FRMD1: variants seen among roughly 807,000 people sequenced by gnomAD.
FRMD1 encodes FERM domain-containing protein 1.
A neutral mutation model predicts 54.9 loss-of-function variants in FRMD1; 51 were observed. The ratio of observed to expected loss-of-function variants is 0.93; its 90% CI spans 0.74 to 1.17. The LOEUF (loss-of-function observed/expected upper bound fraction) is 1.17. FRMD1 is among the 50% of genes most tolerant of loss of function. The pLI, the probability that FRMD1 is intolerant of heterozygous loss-of-function variation, is 0.00. For missense variants in FRMD1, 729 were observed against 743.0 expected (o/e 0.98, Z 0.22); for synonymous variants, 324 against 306.4 (o/e 1.06, Z -0.60).
In FRMD1 at chr6:168,075,740, T is replaced by C. The variant is rs774960291; in HGVS notation, c.214-405A>G. 8.4e-6 allele frequency: 13 copies of C among 1,548,214 alleles called. No individual in the cohort carries two copies. The South Asian group carries it at 1.3e-4, about 16-fold the overall frequency. Reference sequence around the variant, plus strand: ...TGAGCGCGAGCATCGGTGTCTCACATCATCCATCGCCCAACTGATGCGAGT... The same window carrying C: ...TGAGCGCGAGCATCGGTGTCTCACACCATCCATCGCCCAACTGATGCGAGT... On this transcript the variant is annotated intron_variant, in intron 1 of 10. Coordinates refer to ENST00000283309, the MANE Select transcript of FRMD1 (RefSeq NM_024919.6).
rs573507597 is a variant in FRMD1 at position 168,059,881 on chromosome 6, T to A, written c.1343-693A>T. On this transcript the variant is annotated intron_variant, in intron 9 of 10. Coordinates refer to ENST00000283309, the MANE Select transcript of FRMD1 (RefSeq NM_024919.6). The surrounding 1 kb of genome is among the most constrained non-coding windows in gnomAD (Gnocchi z 4.4). Reference sequence around the variant, plus strand: ...CTGCGTCCTGGGCCAGGTGGACACATGGTCCTAGAACACTCTGAATGGCTC... The same window carrying A: ...CTGCGTCCTGGGCCAGGTGGACACAAGGTCCTAGAACACTCTGAATGGCTC... 1.3e-5 allele frequency among the ~76,000 whole-genome samples: 2 copies of A among 152,086 alleles called. No individual in the cohort carries two copies. The highest frequency in any genetic ancestry group is 3.9e-4 in the East Asian group (2 of 5,152).
upstream of FRMD1, chr6:168,081,729 C>A: frequency 2.2e-6 from 1 of 458,264 alleles, no homozygotes; most frequent in Non-Finnish European, 3.8e-6. Flanking sequence ...TGCAAAAGGC[C>A]GGGCTCCATT....
chr6:168,063,514 G>A (rs2114970870), intron 6 of FRMD1, 87 bp downstream of exon 6: 3 of 1,409,742 alleles, frequency 2.1e-6, no homozygotes, highest in Non-Finnish European at 2.8e-6. Flanking sequence ...CTGCCCTGGG[G>A]TCCTGATCCC....
chr6:168,061,546 A>G (rs931106347), intron 8 of FRMD1, among the ~76,000 whole-genome samples: 1 of 152,274 alleles, frequency 6.6e-6, no homozygotes, highest in African/African-American at 2.4e-5. Context: ...AGTGGAAAAC[A>G]GACCAGGAAA....
rs1799622439 is a variant in FRMD1, at chr6:168,059,828, G to T, written c.1343-640C>A. On this transcript the variant is annotated intron_variant, in intron 9 of 10. Coordinates refer to ENST00000283309, the MANE Select transcript of FRMD1 (RefSeq NM_024919.6). The surrounding 1 kb of genome is among the most constrained non-coding windows in gnomAD (Gnocchi z 4.4). ...CACACAGTCCTACACACAGGGAATG[G>T]GCAGGGTGCATCCCTCAGGACAAGG... Among the ~76,000 whole-genome samples the T allele has an allele frequency of 6.6e-6, 1 of 152,086 alleles. No individual in the cohort carries two copies. The highest frequency in any genetic ancestry group is 1.5e-5 in the Non-Finnish European group (1 of 68,000).
upstream of FRMD1, among the ~76,000 whole-genome samples, chr6:168,082,663 G>A (rs551763851): frequency 7.2e-5 from 11 of 152,148 alleles, no homozygotes; most frequent in Non-Finnish European, 1.3e-4. Context: ...CAGGATTCCC[G>A]AGACCCACCG....
In FRMD1 at chr6:168,066,833, T is replaced by A; in HGVS notation, c.385-2A>T. 6.2e-7 allele frequency: 1 copy of A among 1,611,642 alleles called. No homozygotes were observed. The highest frequency in any genetic ancestry group is 8.5e-7 in the Non-Finnish European group (1 of 1,179,478). On this transcript the variant is annotated splice_acceptor_variant, in intron 3 of 10. Coordinates refer to ENST00000283309, the MANE Select transcript of FRMD1 (RefSeq NM_024919.6). LOFTEE classifies it high-confidence loss of function. ...GGGGGCTCTGGGTTTCTCATTTCCC[T>A]AGTGGGGAAAATGCAAGAAAGAGCA... is the stretch of plus-strand genomic sequence containing the variant.
chr6:168,067,627 T>A (rs1800110984), intron 2 of FRMD1, 181 bp from the exon 3 acceptor site: 8 of 547,652 alleles, frequency 1.5e-5, no homozygotes, highest in Non-Finnish European at 2.6e-5. Context: ...TTAACACACA[T>A]GCAGGTGTCA....
chr6:168,071,738 G>A (rs190763475), intron 2 of FRMD1, among the ~76,000 whole-genome samples: 222 of 152,366 alleles, frequency 1.5e-3, no homozygotes, highest in African/African-American at 5.0e-3. Flanking sequence ...CCTCCGCAGG[G>A]TAAAGACAAG....
At chr6:168,067,645 G>T in intron 2 of FRMD1, 199 bp from the exon 3 acceptor site, 1 of 522,342 alleles carries the variant, frequency 1.9e-6, no homozygotes, top group African/African-American at 1.9e-5. Flanking sequence ...TCAAATGCTT[G>T]CTTACTAAAA....
rs764494771 is a variant in FRMD1 at position 168,075,352 on chromosome 6, G to A, written c.214-17C>T. On this transcript the variant is annotated splice_polypyrimidine_tract_variant and intron_variant, in intron 1 of 10. Transcript: ENST00000283309. ...AGCCTTCACCTGCAAAAGAGGTGGG[G>A]AGGGGTTCAGGGAGGGGCCGGCACC... 9 of 1,607,786 alleles carry A rather than the reference G, an allele frequency of 5.6e-6. No homozygotes were observed. The highest frequency in any genetic ancestry group is 7.6e-6 in the Non-Finnish European group (9 of 1,177,094).
intron 1 of FRMD1, chr6:168,075,706 G>T: frequency 6.7e-7 from 1 of 1,484,558 alleles, no homozygotes; most frequent in African/African-American, 1.4e-5. Context: ...ATGAATGCTT[G>T]GTTCCCCATG....
chr6:168,065,228 C>T (rs1370588594), intron 4 of FRMD1, 171 bp from the exon 5 acceptor site: 8 of 1,387,138 alleles, frequency 5.8e-6, no homozygotes, highest in Admixed American at 3.1e-5. Context: ...CAGCACGGCA[C>T]AGGCCCACAC....
chr6:168,057,142 G>A lies in FRMD1; in HGVS notation c.1605C>T (p.Ala535=), dbSNP rs771145147. ...GTGGAGCCTCTCCGAACAGGTCCAG[G>A]GCGAGACAGTTGCTGGACCTCTTGC... ...LPSKRSSNCL[A]LDLFGEAPPQ... Residue 535 remains alanine (A), a synonymous_variant, in exon 11 of 11, where the codon GCC becomes GCT. Transcript: ENST00000283309. The A allele has an allele frequency of 1.3e-6, 2 of 1,548,544 alleles. No individual in the cohort carries two copies. Among genetic ancestry groups the A allele is most frequent in the Non-Finnish European group, 1.7e-6 (2 of 1,145,998 alleles).
chr6:168,082,017 C>G (rs1800840581), upstream of FRMD1, among the ~76,000 whole-genome samples: 1 of 152,238 alleles, frequency 6.6e-6, no homozygotes, highest in Admixed American at 6.5e-5. Flanking sequence ...ATAGGTCAAC[C>G]CATTCCACCA....
rs147207666 is a variant in FRMD1, at chr6:168,057,218, G to T, written c.1529C>A (p.Ala510Asp). 6 of 1,608,932 alleles carry T rather than the reference G, an allele frequency of 3.7e-6. No individual in the cohort carries two copies. The African/African-American group carries it at 8.0e-5, about 21-fold the overall frequency. ...GGGGCCTGCCAGCCTGCAGTCCAGGGCGCGGTGGAAGGTATGGCTGAGTGA... is the reference window on the plus strand; with the variant it reads ...GGGGCCTGCCAGCCTGCAGTCCAGGTCGCGGTGGAAGGTATGGCTGAGTGA... Reference protein sequence around the residue: ...PTSLSHTFHRALDCRLAGPCE... With the variant: ...PTSLSHTFHRDLDCRLAGPCE... Residue 510 changes from alanine (A) to aspartate (D), a missense_variant, in exon 11 of 11, where the codon GCC becomes GAC. Physicochemically the swap from Ala to Asp is moderately radical, Grantham distance 126 (BLOSUM62 -2). Coordinates refer to ENST00000283309, the MANE Select transcript of FRMD1 (RefSeq NM_024919.6).
upstream of FRMD1, among the ~76,000 whole-genome samples, chr6:168,082,191 C>T (rs1481453537): frequency 6.6e-6 from 1 of 152,232 alleles, no homozygotes; most frequent in African/African-American, 2.4e-5. Flanking sequence ...ATCAGCAACA[C>T]CGACTGATCC....
chr6:168,078,814 G>T (rs943789320), intron 1 of FRMD1, 68 bp downstream of exon 1: 1 of 686,292 alleles, frequency 1.5e-6, no homozygotes, highest in African/African-American at 4.3e-5. Context: ...TCACCCCCAC[G>T]GCCACCCGGA....
chr6:168,066,434 G>T (rs1192608760), intron 4 of FRMD1: 1 of 614,184 alleles, frequency 1.6e-6, no homozygotes, highest in African/African-American at 2.0e-5. Flanking sequence ...GGAGGTGGAG[G>T]TTGCAGTGAG....
Sources: gnomAD v4.1 joint callset for allele counts (sites outside exome capture counted in the v4.1 genomes callset) on GRCh38, gnomAD v4.1.1 for gene constraint, Gnocchi (gnomAD v3.1) non-coding constraint, MANE v1.5 for transcripts, NCBI Gene and HGNC (gene_info 2026-07-23, HGNC 2026-07-21) for gene names.